LTA4H: variants seen among roughly 807,000 people sequenced by gnomAD.
LTA4H encodes the protein leukotriene A-4 hydrolase.
A neutral mutation model predicts 89.8 loss-of-function variants in LTA4H; 59 were observed. The ratio of observed to expected loss-of-function variants is 0.66; its 90% confidence interval spans 0.53 to 0.82. The LOEUF is 0.82. Among genes scored for constraint, LTA4H ranks in the 40% least tolerant of loss-of-function variants. LTA4H has a pLI of 0.00. For missense variants in LTA4H, 617 were observed against 727.0 expected (o/e 0.85, Z 1.74); for synonymous variants, 227 against 253.1 (o/e 0.90, Z 0.98).
intron 6 of LTA4H, chr12:96,020,632 A>AACAAAAAATTAAG (rs1950442619): frequency 6.2e-6 from 1 of 161,722 alleles, no homozygotes; most frequent in African/African-American, 2.4e-5. Flanking sequence ...ACTAAGAATG[A>AACAAAAAATTAAG]ACAAAAAATT....
intron 15 of LTA4H, among the ~76,000 whole-genome samples, chr12:96,006,849 T>C (rs976280436): frequency 1.3e-5 from 2 of 152,188 alleles, no homozygotes; most frequent in Non-Finnish European, 2.9e-5. Context: ...CCACATATTC[T>C]GTTTTCCCCA....
rs774857988 is a variant in LTA4H, at chr12:96,013,864, AAAAG to A, written c.1205-15_1205-12del. ...ATCCTAGGAAAATCTCTAAGAGTAA[AAAAG>A]AAAAGAAATCAATTCATAGAAAGGT... On this transcript the variant is annotated splice_polypyrimidine_tract_variant and intron_variant, in intron 12 of 18. Transcript: ENST00000228740. 8.6e-7 allele frequency: 1 copy of A among 1,164,214 alleles called. No homozygotes were observed. Among genetic ancestry groups the A allele is most frequent in the South Asian group, 1.3e-5 (1 of 75,966 alleles). 72.1% of individuals were successfully genotyped at this position (1,164,214 alleles called of 1,614,324 possible).
At chr12:96,035,626 G>A, upstream of LTA4H, 2 of 1,448,312 alleles carry the variant, frequency 1.4e-6, no homozygotes, top group South Asian at 1.5e-5. Context: ...AAGAGGAGGA[G>A]GGATTCGCGG....
chr12:96,024,702 CTT>C (rs1315760929), intron 3 of LTA4H, among the ~76,000 whole-genome samples, 155 bp from the exon 4 acceptor site: 1 of 147,192 alleles, frequency 6.8e-6, no homozygotes, highest in African/African-American at 2.5e-5. Flanking sequence ...GAGTTTCACT[CTT>C]GTTGCCCAGG....
At chr12:96,023,301 C>T (rs890130264) in intron 4 of LTA4H, among the ~76,000 whole-genome samples, 1 of 151,522 alleles carries the variant, frequency 6.6e-6, no homozygotes, top group East Asian at 2.0e-4. Context: ...AGCCACCTCC[C>T]TTCATTTAGG....
chr12:96,001,049 G>A lies in LTA4H; in HGVS notation c.1776C>T (p.His592=). ...CAGTCACGGGATGCATGCTTGCTTTGTGCTCTTGGTAGGTTCGGACAGCTT... is the reference window on the plus strand; with the variant it reads ...CAGTCACGGGATGCATGCTTGCTTTATGCTCTTGGTAGGTTCGGACAGCTT... ...HDQAVRTYQE[H]KASMHPVTAM... The change falls in exon 19 of 19, where the codon CAC becomes CAT. Residue 592 remains histidine, a synonymous_variant. Transcript: ENST00000228740. The A allele has an allele frequency of 6.2e-7, 1 of 1,614,034 alleles. No individual in the cohort carries two copies. Among genetic ancestry groups the A allele is most frequent in the South Asian group, 1.1e-5 (1 of 91,074 alleles).
intron 6 of LTA4H, among the ~76,000 whole-genome samples, chr12:96,019,891 C>T (rs1014119870): frequency 4.0e-5 from 6 of 149,568 alleles, no homozygotes; most frequent in South Asian, 4.3e-4. Context: ...TGAGCCACCA[C>T]GCCCAGCGTT....
At chr12:96,006,621 A>C (rs1288204114) in intron 15 of LTA4H, among the ~76,000 whole-genome samples, 1 of 152,218 alleles carries the variant, frequency 6.6e-6, no homozygotes, top group African/African-American at 2.4e-5. Context: ...TATATTACTT[A>C]AGAAAAAGTA....
At position 96,022,342 on chromosome 12, in the gene LTA4H, T is replaced by C; in HGVS notation, c.481-91A>G. On this transcript the variant is annotated intron_variant, in intron 4 of 18. Coordinates refer to ENST00000228740, the MANE Select transcript of LTA4H (RefSeq NM_000895.3). The surrounding 1 kb of genome is among the most constrained non-coding windows in gnomAD (Gnocchi z 4.0). ...GTAAAATAACCTTTTCTTCCCATTC[T>C]TGACTATCTAATAAACAGACTATGA... 1.3e-6 allele frequency: 1 copy of C among 798,506 alleles called. No homozygotes were observed. Among genetic ancestry groups the C allele is most frequent in the African/African-American group, 1.7e-5 (1 of 57,474 alleles). 49.5% of individuals were successfully genotyped at this position (798,506 alleles called of 1,614,324 possible). A position where few individuals can be genotyped will look rare whatever the true frequency, so the allele number is the denominator to read the frequency against.
intron 9 of LTA4H, among the ~76,000 whole-genome samples, 165 bp downstream of exon 9, chr12:96,017,392 T>C (rs1373462230): frequency 6.6e-6 from 1 of 152,140 alleles, no homozygotes; most frequent in African/African-American, 2.4e-5. Context: ...GATCAAACCA[T>C]AAAATTTCCT....
chr12:96,036,098 G>A (rs748545043), upstream of LTA4H, among the ~76,000 whole-genome samples: 10 of 150,034 alleles, frequency 6.7e-5, no homozygotes, highest in East Asian at 4.2e-4. Flanking sequence ...GGGAGGCACA[G>A]TAATTGTTTT....
At chr12:96,014,832 A>T in intron 12 of LTA4H, 23 bp downstream of exon 12, 1 of 1,580,664 alleles carries the variant, frequency 6.3e-7, no homozygotes, top group Non-Finnish European at 8.5e-7. Context: ...GAAAAAAAAA[A>T]TCATAAAATA....
At chr12:96,027,801 T>C (rs1950528927) in intron 2 of LTA4H, 1 of 257,952 alleles carries the variant, frequency 3.9e-6, no homozygotes, top group Admixed American at 5.6e-5. Flanking sequence ...GAAGGCTTAA[T>C]GGCAACTAAC....
At chr12:96,010,161 G>A (rs1950276007) in intron 14 of LTA4H, 1 of 152,132 alleles carries the variant, frequency 6.6e-6, no homozygotes, top group Non-Finnish European at 1.5e-5. Context: ...TAGCAAAGTA[G>A]AAAACCTTTA....
intron 11 of LTA4H, 30 bp downstream of exon 11, chr12:96,015,553 T>G (rs1417655270): frequency 1.3e-6 from 2 of 1,502,598 alleles, no homozygotes; most frequent in Non-Finnish European, 1.8e-6. Context: ...CAACTTTGGA[T>G]GAAGGTTTTT....
rs759776595 is a variant in LTA4H at position 96,014,842 on chromosome 12, A to G, written c.1204+13T>C. 7 of 1,586,692 alleles carry G rather than the reference A, an allele frequency of 4.4e-6. No homozygotes were observed. In the Admixed American group the frequency reaches 1.4e-4, roughly 31 times the overall value. On this transcript the variant is annotated intron_variant, in intron 12 of 18. Transcript: ENST00000228740. ...AAAAAGAAAAAAAAAATCATAAAATACCAACTACTTACCTGGTCCTCCAAG... is the reference window on the plus strand; with the variant it reads ...AAAAAGAAAAAAAAAATCATAAAATGCCAACTACTTACCTGGTCCTCCAAG...
At position 96,022,463 on chromosome 12, in the gene LTA4H, ATATG is replaced by A. The variant is rs1421980860; in HGVS notation, c.481-216_481-213del. On this transcript the variant is annotated intron_variant, in intron 4 of 18. Transcript: ENST00000228740. The surrounding 1 kb of genome is among the most constrained non-coding windows in gnomAD (Gnocchi z 4.0). ...GATGTGTATATATATGCACACATAT[ATATG>A]TGTATATATATAAAACACATATACA... 5.9e-5 allele frequency among the ~76,000 whole-genome samples: 9 copies of A among 152,152 alleles called. No homozygotes were observed. The East Asian group carries it at 1.5e-3, about 26-fold the overall frequency.
rs781753718 is a variant in LTA4H at position 96,021,117 on chromosome 12, C to G, written c.606G>C (p.Leu202=). 1 of 1,600,418 alleles carries G rather than the reference C, an allele frequency of 6.2e-7. No homozygotes were observed. The highest frequency in any genetic ancestry group is 8.5e-7 in the Non-Finnish European group (1 of 1,176,010). Residue 202 remains leucine, a synonymous_variant, in exon 6 of 19, where the codon CTG becomes CTC. Coordinates refer to ENST00000228740, the MANE Select transcript of LTA4H (RefSeq NM_000895.3). ...CTAAAGCTCCAACAACTAAAGCAAT[C>G]AGGTAGCAGGGTATTGGAACCTAAA... ...FIQKVPIPCY[L]IALVVGALES...
chr12:96,038,709 G>T (rs1337610964), upstream of LTA4H, among the ~76,000 whole-genome samples: 1 of 149,656 alleles, frequency 6.7e-6, no homozygotes, highest in Non-Finnish European at 1.5e-5. Context: ...CCAAATCTAG[G>T]GTGACAAATA....
Sources: allele counts gnomAD v4.1 joint callset (sites outside exome capture counted in the v4.1 genomes callset), GRCh38; gene constraint gnomAD v4.1.1; non-coding constraint Gnocchi (gnomAD v3.1); transcripts MANE v1.5; gene names NCBI Gene and HGNC (gene_info 2026-07-23, HGNC 2026-07-21).